Variants in CRB2 observed in about 807,000 individuals in gnomAD.
CRB2 encodes the protein crumbs cell polarity complex component 2.
A neutral mutation model predicts 110.9 loss-of-function variants in CRB2; 85 were observed. The ratio of observed to expected loss-of-function variants is 0.77; its 90% CI spans 0.64 to 0.92. The LOEUF is 0.92. Ranked by LOEUF, CRB2 falls within the 40% of genes least tolerant of loss-of-function variation. CRB2 has a pLI of 0.00. For synonymous variants in CRB2, 907 were observed against 831.0 expected, an observed-to-expected ratio of 1.09 and a Z score of -1.57; for missense variants, 1,843 against 1,851.3, an observed-to-expected ratio of 1.00 and a Z score of 0.08.
At chr9:123,368,608 T>C (rs1423381647) in intron 6 of CRB2, among the ~76,000 whole-genome samples, 2 of 152,234 alleles carry the variant, frequency 1.3e-5, no homozygotes, top group Non-Finnish European at 2.9e-5. Flanking sequence ...GGTTCACCAC[T>C]ATCAGCGGGA....
At chr9:123,376,387 G>T (rs1353778265) in intron 12 of CRB2, among the ~76,000 whole-genome samples, 1 of 152,152 alleles carries the variant, frequency 6.6e-6, no homozygotes, top group Admixed American at 6.5e-5. Flanking sequence ...CTGGGCCGAG[G>T]CTCGCAGGGA....
chr9:123,375,787 C>T lies in CRB2; in HGVS notation c.3633+444C>T, dbSNP rs556665599. Among the ~76,000 whole-genome samples the T allele has an allele frequency of 3.3e-3, 498 of 152,252 alleles. 2 individuals are homozygous for T. Among genetic ancestry groups the T allele is most frequent in the Non-Finnish European group, 5.6e-3 (381 of 68,004 alleles). On this transcript the variant is annotated intron_variant, in intron 12 of 12. Coordinates refer to ENST00000373631, the MANE Select transcript of CRB2 (RefSeq NM_173689.7). ...CTGGGAGTCCGCACTGGAGCAGGCTCGGCCCGCTGTGCAGGCTGGCCCCAA... is the reference window on the plus strand; with the variant it reads ...CTGGGAGTCCGCACTGGAGCAGGCTTGGCCCGCTGTGCAGGCTGGCCCCAA...
Position 123,370,911 on chromosome 9 carries a change from T to C in CRB2, c.1858T>C (p.Cys620Arg). ...TCTGCCTTGTGTCCACGGAGGGTCC[T>C]GTGTGGATCTGTGGACTCATTTCCG... The part of the protein sequence containing the change: ...RPLPCVHGGS[C>R]VDLWTHFRCD... Residue 620 changes from cysteine to arginine, a missense_variant, in exon 7 of 13, where the codon TGT (cysteine) becomes CGT (arginine). By Grantham distance (180) the Cys-to-Arg change is radical. Coordinates refer to ENST00000373631, the MANE Select transcript of CRB2 (RefSeq NM_173689.7). The C allele has an allele frequency of 6.2e-7, 1 of 1,613,082 alleles. No homozygotes were observed. Among genetic ancestry groups the C allele is most frequent in the Non-Finnish European group, 8.5e-7 (1 of 1,179,814 alleles).
At position 123,363,152 on chromosome 9, in the gene CRB2, G is replaced by A. The variant is rs749298201; in HGVS notation, c.382G>A (p.Asp128Asn). The stretch of plus-strand genomic sequence containing the variant: ...TGGGGCCACCTGCCGCAACCTGGCC[G>A]ATCGCTACGAGTGCCATTGCCCCCT... ...HHGATCRNLA[D>N]RYECHCPLGY... is the part of the protein sequence containing the mutation. Residue 128 changes from aspartate (D) to asparagine (N), a missense_variant, in exon 2 of 13, where the codon GAT (aspartate) becomes AAT (asparagine). Transcript: ENST00000373631. The A allele has an allele frequency of 7.5e-6, 12 of 1,610,124 alleles. No individual in the cohort carries two copies. The highest frequency in any genetic ancestry group is 1.6e-4 in the Middle Eastern group (1 of 6,074).
chr9:123,367,430 C>CCCCCCCA, intron 5 of CRB2, 73 bp downstream of exon 5: 1 of 249,522 alleles, frequency 4.0e-6, no homozygotes, highest in Non-Finnish European at 6.0e-6. Context: ...CACCCCCCCA[C>CCCCCCCA]CCCCCCCACC....
rs764520481 is a variant in CRB2, at chr9:123,371,443, C to T, written c.2301C>T (p.Leu767=). Residue 767 remains leucine (L), a synonymous_variant, in exon 8 of 13, where the codon CTC becomes CTT. Coordinates refer to ENST00000373631, the MANE Select transcript of CRB2 (RefSeq NM_173689.7). ...QPWGGPFRGC[L]QDLRLDGCHL... is the part of the protein sequence containing the mutation. Reference sequence around the variant, plus strand: ...GGGGTGGGCCCTTCCGAGGCTGCCTCCAGGACCTGCGACTCGATGGCTGCC... The same window carrying T: ...GGGGTGGGCCCTTCCGAGGCTGCCTTCAGGACCTGCGACTCGATGGCTGCC... 1.9e-6 allele frequency: 3 copies of T among 1,613,014 alleles called. No individual in the cohort carries two copies. The highest frequency in any genetic ancestry group is 4.5e-5 in the East Asian group (2 of 44,884).
intron 6 of CRB2, among the ~76,000 whole-genome samples, chr9:123,368,116 C>T (rs2041963216): frequency 1.3e-5 from 2 of 152,098 alleles, no homozygotes; most frequent in Non-Finnish European, 2.9e-5. Flanking sequence ...CGCAGATGCA[C>T]AGACACAGGA....
At chr9:123,376,795 C>T in intron 12 of CRB2, 43 bp from the exon 13 acceptor site, 1 of 1,550,490 alleles carries the variant, frequency 6.4e-7, no homozygotes, top group Non-Finnish European at 8.8e-7. Flanking sequence ...CGGCGTCCTC[C>T]CCTTCTCTGC....
upstream of CRB2, among the ~76,000 whole-genome samples, chr9:123,354,153 C>CGT (rs2041773884): frequency 7.9e-5 from 12 of 152,376 alleles, no homozygotes; most frequent in South Asian, 2.5e-3. Context: ...CTCCCCGTCA[C>CGT]GTGGGACTCC....
rs1284127471 is a variant in CRB2, at chr9:123,366,383, G to T, written c.754+17G>T. 2 of 1,532,942 alleles carry T rather than the reference G, an allele frequency of 1.3e-6. No individual in the cohort carries two copies. Among genetic ancestry groups the T allele is most frequent in the African/African-American group, 2.9e-5 (2 of 69,820 alleles). 95.0% of individuals were successfully genotyped at this position (1,532,942 alleles called of 1,614,324 possible). ...GTTGGCCAGGTGTGTGCGTGCAGGT[G>T]CGCGGCCTGGCGGGGGGAGGGGTAG... On this transcript the variant is annotated intron_variant, in intron 4 of 12. Transcript: ENST00000373631.
rs748183673 is a variant in CRB2 at position 123,371,594 on chromosome 9, CGGTGGTGGT to C, written c.2436+22_2436+30del. The C allele has an allele frequency of 1.2e-6, 2 of 1,610,846 alleles. No individual in the cohort carries two copies. Among genetic ancestry groups the C allele is most frequent in the Non-Finnish European group, 1.7e-6 (2 of 1,179,818 alleles). ...CATGTGCAGTGTAAGTGTCTGGTGG[CGGTGGTGGT>C]GGTGGGGTGGGGAGTCCTTTTCCCA... On this transcript the variant is annotated intron_variant, in intron 8 of 12. Transcript: ENST00000373631.
At position 123,363,070 on chromosome 9, in the gene CRB2, C is replaced by A; in HGVS notation, c.300C>A (p.Phe100Leu). The A allele has an allele frequency of 6.2e-7, 1 of 1,611,738 alleles. No homozygotes were observed. Among genetic ancestry groups the A allele is most frequent in the Non-Finnish European group, 8.5e-7 (1 of 1,179,902 alleles). ...TGFRCYCVPG[F>L]QGPRCELDID... ...TCCGCTGCTACTGCGTGCCGGGTTT[C>A]CAGGGCCCACGCTGCGAGCTGGACA... The change falls in exon 2 of 13, where the codon TTC becomes TTA. Residue 100 changes from phenylalanine to leucine, a missense_variant. Physicochemically the swap from Phe to Leu is conservative, Grantham distance 22. Coordinates refer to ENST00000373631, the MANE Select transcript of CRB2 (RefSeq NM_173689.7).
Position 123,367,640 on chromosome 9 carries a change from G to T in CRB2, c.1008G>T (p.Gln336His), listed in dbSNP as rs1377920334. The T allele has an allele frequency of 2.5e-5, 39 of 1,570,986 alleles. No homozygotes were observed. The highest frequency in any genetic ancestry group is 3.2e-5 in the Non-Finnish European group (37 of 1,158,788). ...CATGCCTCAACGGAGGCCACTGCCA[G>T]GACCTGCCCAATGGCTTCCAGTGTC... ...SRPCLNGGHC[Q>H]DLPNGFQCHC... The change falls in exon 6 of 13, where the codon CAG becomes CAT. Residue 336 changes from glutamine (Q) to histidine (H), a missense_variant. Gln to His is a conservative substitution (Grantham distance 24). Coordinates refer to ENST00000373631, the MANE Select transcript of CRB2 (RefSeq NM_173689.7).
chr9:123,363,237 C>T (rs2041890150), intron 2 of CRB2, 49 bp downstream of exon 2: 3 of 1,525,546 alleles, frequency 2.0e-6, no homozygotes, highest in Non-Finnish European at 2.7e-6. Flanking sequence ...CAGATCGCAT[C>T]AGCTGCTCAG....
rs1194807343 is a variant in CRB2 at position 123,373,714 on chromosome 9, G to A, written c.3183G>A (p.Ala1061=). The A allele has an allele frequency of 2.6e-6, 4 of 1,526,214 alleles. No homozygotes were observed. Among genetic ancestry groups the A allele is most frequent in the Admixed American group, 2.0e-5 (1 of 49,078 alleles). 94.5% of individuals were successfully genotyped at this position (1,526,214 alleles called of 1,614,324 possible). ...GCTGCCGCGGCGCGCCCGTGTGTGCGCCCTCGCCCTGTCTGCACGACGGTG... is the reference window on the plus strand; with the variant it reads ...GCTGCCGCGGCGCGCCCGTGTGTGCACCCTCGCCCTGTCTGCACGACGGTG... ...ILGCRGAPVC[A]PSPCLHDGAC... Residue 1061 remains alanine (A), a synonymous_variant, in exon 10 of 13, where the codon GCG becomes GCA. Transcript: ENST00000373631.
Position 123,375,284 on chromosome 9 carries a change from G to A in CRB2, c.3574G>A (p.Gly1192Arg), listed in dbSNP as rs2042086107. Residue 1192 changes from glycine to arginine, a missense_variant, in exon 12 of 13, where the codon GGA becomes AGA. Gly to Arg is a moderately radical substitution (Grantham distance 125, BLOSUM62 -2). Transcript: ENST00000373631. ...CLNGGTCRAA[G>R]GVSECICNAR... ...GAATGGGGGCACCTGCCGGGCAGCT[G>A]GAGGGGTGTCTGAATGTATCTGCAA... 1 of 1,612,236 alleles carries A rather than the reference G, an allele frequency of 6.2e-7. No homozygotes were observed. The highest frequency in any genetic ancestry group is 8.5e-7 in the Non-Finnish European group (1 of 1,179,132).
chr9:123,363,088 G>A lies in CRB2; in HGVS notation c.318G>A (p.Glu106=). The A allele has an allele frequency of 6.2e-7, 1 of 1,611,580 alleles. No homozygotes were observed. The highest frequency in any genetic ancestry group is 8.5e-7 in the Non-Finnish European group (1 of 1,179,954). ...CVPGFQGPRC[E]LDIDECASRP... The stretch of plus-strand genomic sequence containing the variant: ...CGGGTTTCCAGGGCCCACGCTGCGA[G>A]CTGGACATCGATGAGTGTGCATCCC... Residue 106 remains glutamate, a synonymous_variant, in exon 2 of 13, where the codon GAG becomes GAA. Transcript: ENST00000373631.
At position 123,377,527 on chromosome 9, in the gene CRB2, A is replaced by ATCTAGGCCAGCCTGGCTGCTGGC; in HGVS notation, c.*465_*466insTCTAGGCCAGCCTGGCTGCTGGC. ...GAGGTGGCGGCTGCGCCATGGGGTC[A>ATCTAGGCCAGCCTGGCTGCTGGC]ACCATTACAGTCCTAGGGCAGGGGC... On this transcript the variant is annotated 3_prime_UTR_variant, in exon 13 of 13. Coordinates refer to ENST00000373631, the MANE Select transcript of CRB2 (RefSeq NM_173689.7). 6.5e-6 allele frequency: 1 copy of ATCTAGGCCAGCCTGGCTGCTGGC among 154,430 alleles called. No homozygotes were observed. Among genetic ancestry groups the ATCTAGGCCAGCCTGGCTGCTGGC allele is most frequent in the African/African-American group, 2.4e-5 (1 of 41,672 alleles). 9.6% of individuals were successfully genotyped at this position (154,430 alleles called of 1,614,324 possible).
At chr9:123,364,158 C>T (rs561266487) in intron 2 of CRB2, among the ~76,000 whole-genome samples, 2 of 152,288 alleles carry the variant, frequency 1.3e-5, no homozygotes, top group East Asian at 1.9e-4. Context: ...TCTTTCTCAT[C>T]GTTCCAGTGT....
Sources: gnomAD v4.1 joint callset for allele counts (sites outside exome capture counted in the v4.1 genomes callset) on GRCh38, gnomAD v4.1.1 for gene constraint, MANE v1.5 for transcripts, NCBI Gene and HGNC (gene_info 2026-07-23, HGNC 2026-07-21) for gene names.